The following LPAR6 variants were observed in gnomAD, a reference collection of about 807,000 sequenced individuals.
The protein encoded by LPAR6 is G-protein coupled purinergic receptor P2Y5.
Under a neutral mutation model 22.0 loss-of-function variants are expected in LPAR6, and 17 were observed. The observed-to-expected ratio is 0.77, with a 90% CI of 0.53 to 1.16. The LOEUF (loss-of-function observed/expected upper bound fraction) is 1.16. Ranked by LOEUF, LPAR6 falls within the 50% of genes most tolerant of loss-of-function variation. LPAR6 has a pLI of 0.00. For synonymous variants in LPAR6, 136 were observed against 139.8 expected (o/e 0.97, Z 0.19); for missense variants, 384 against 406.9 (o/e 0.94, Z 0.48).
chr13:48,408,806 T>A (rs1375893817), downstream of LPAR6: 2 of 152,208 alleles, frequency 1.3e-5, no homozygotes, highest in Admixed American at 1.3e-4. Flanking sequence ...TTTATGAACA[T>A]AGTAATAACA....
chr13:48,396,891 A>G (rs1453763755), intron 1 of LPAR6, among the ~76,000 whole-genome samples: 2 of 152,264 alleles, frequency 1.3e-5, no homozygotes, highest in Non-Finnish European at 2.9e-5. Context: ...AACATATGAA[A>G]AAAAGCTCAT....
At chr13:48,392,574 C>A (rs1287332892) in intron 1 of LPAR6, among the ~76,000 whole-genome samples, 2 of 151,950 alleles carry the variant, frequency 1.3e-5, no homozygotes, top group African/African-American at 4.8e-5. Flanking sequence ...CTATAGTTTT[C>A]ATTTCTAGAA....
intron 2 of LPAR6, among the ~76,000 whole-genome samples, chr13:48,422,127 T>C (rs1949015164): frequency 6.6e-6 from 1 of 152,194 alleles, no homozygotes; most frequent in Non-Finnish European, 1.5e-5. Context: ...CAAATGCGCA[T>C]CAATGATAGA....
chr13:48,438,149 C>T (rs1949202400), intron 1 of LPAR6, among the ~76,000 whole-genome samples: 1 of 152,158 alleles, frequency 6.6e-6, no homozygotes. Context: ...TTTGCTATTT[C>T]CTTGCTATGA....
chr13:48,437,326 A>G (rs1487639732), intron 1 of LPAR6, among the ~76,000 whole-genome samples: 1 of 152,222 alleles, frequency 6.6e-6, no homozygotes, highest in African/African-American at 2.4e-5. Flanking sequence ...AGAAAGAAAT[A>G]TACATATTTT....
intron 1 of LPAR6, among the ~76,000 whole-genome samples, chr13:48,440,875 A>G (rs1376783702): frequency 6.6e-6 from 1 of 152,042 alleles, no homozygotes; most frequent in Non-Finnish European, 1.5e-5. Flanking sequence ...ATGATTTTAA[A>G]CTCTCATCTG....
chr13:48,396,984 G>A (rs1948653808), intron 1 of LPAR6, among the ~76,000 whole-genome samples: 1 of 152,202 alleles, frequency 6.6e-6, no homozygotes, highest in Non-Finnish European at 1.5e-5. Context: ...TCATTAAAAA[G>A]TCAGGAAACA....
At chr13:48,398,877 C>T (rs1386951657) in intron 1 of LPAR6, among the ~76,000 whole-genome samples, 1 of 152,116 alleles carries the variant, frequency 6.6e-6, no homozygotes, top group Non-Finnish European at 1.5e-5. Context: ...AGTGTTTTGC[C>T]TAGGAGCTAA....
Position 48,411,457 on chromosome 13 carries a change from C to A in LPAR6, c.967G>T (p.Glu323Ter). The A allele has an allele frequency of 6.2e-7, 1 of 1,613,380 alleles. No homozygotes were observed. The highest frequency in any genetic ancestry group is 1.1e-5 in the South Asian group (1 of 91,026). Residue 323 changes from glutamate to a stop codon, truncating the protein, a stop_gained, in exon 1 of 1, where the codon GAG becomes TAG. Coordinates refer to ENST00000620633, the MANE Select transcript of LPAR6 (RefSeq NM_001162498.3). LOFTEE classifies it high-confidence loss of function. ...DFRFSEVHGA[E>*]NFIQHNLQTL... ...TGTAGGTTATGCTGAATAAAATTCT[C>A]TGCACCATGAACTTCAGAGAATCTG...
chr13:48,418,505 CATA>C (rs1006131256), intron 2 of LPAR6, among the ~76,000 whole-genome samples: 1 of 152,132 alleles, frequency 6.6e-6, no homozygotes, highest in African/African-American at 2.4e-5. Flanking sequence ...TGGCTAGCAT[CATA>C]ATGACAGGAT....
chr13:48,416,008 T>G (rs1948902190), upstream of LPAR6, among the ~76,000 whole-genome samples: 1 of 152,212 alleles, frequency 6.6e-6, no homozygotes, highest in African/African-American at 2.4e-5. Flanking sequence ...ACTTTTGTAT[T>G]TGATAAACTC....
chr13:48,426,133 C>A (rs1414344037), intron 1 of LPAR6, among the ~76,000 whole-genome samples: 1 of 152,162 alleles, frequency 6.6e-6, no homozygotes, highest in African/African-American at 2.4e-5. Flanking sequence ...CTGCCCTGAA[C>A]TTTAAGATGG....
Position 48,411,526 on chromosome 13 carries a change from T to A in LPAR6, c.898A>T (p.Asn300Tyr). ...GACCAGTTTTTCATTTTTATTGAAT[T>A]CTGAATTGTGTCCGATGTAAAGTAG... is the stretch of plus-strand genomic sequence containing the variant. ...VYYFTSDTIQ[N>Y]SIKMKNWSVR... Residue 300 changes from asparagine (N) to tyrosine (Y), a missense_variant, in exon 1 of 1, where the codon AAT (asparagine) becomes TAT (tyrosine). Transcript: ENST00000620633. 1.9e-6 allele frequency: 3 copies of A among 1,613,454 alleles called. No homozygotes were observed. The highest frequency in any genetic ancestry group is 1.7e-6 in the Non-Finnish European group (2 of 1,179,726).
chr13:48,425,461 G>C (rs58933677), intron 1 of LPAR6, among the ~76,000 whole-genome samples: 1,918 of 152,318 alleles, frequency 0.013, 70 homozygotes, highest in East Asian at 0.12. Context: ...GTTGGGTAAG[G>C]CTAGGTGGGT....
intron 1 of LPAR6, among the ~76,000 whole-genome samples, chr13:48,438,469 T>C (rs1254229177): frequency 6.6e-6 from 1 of 152,212 alleles, no homozygotes; most frequent in Non-Finnish European, 1.5e-5. Flanking sequence ...TCTGAGTTAG[T>C]TGTCTCTTCT....
chr13:48,425,549 T>A (rs984466754), intron 1 of LPAR6, among the ~76,000 whole-genome samples: 1 of 152,198 alleles, frequency 6.6e-6, no homozygotes, highest in Non-Finnish European at 1.5e-5. Context: ...AGGTGTTAAG[T>A]GACTTGGATT....
chr13:48,434,167 C>A (rs967133662), intron 1 of LPAR6, among the ~76,000 whole-genome samples: 2 of 151,802 alleles, frequency 1.3e-5, no homozygotes, highest in Non-Finnish European at 2.9e-5. Context: ...CTTCAATGAG[C>A]CAGGCCTGGT....
intron 1 of LPAR6, among the ~76,000 whole-genome samples, chr13:48,402,367 C>T (rs1948699580): frequency 1.1e-5 from 1 of 90,820 alleles, no homozygotes; most frequent in African/African-American, 3.4e-5. Flanking sequence ...AAAGAAATCC[C>T]TTGTAGAAAA....
chr13:48,441,759 T>A (rs1242921843), intron 1 of LPAR6, among the ~76,000 whole-genome samples: 1 of 149,694 alleles, frequency 6.7e-6, no homozygotes, highest in Non-Finnish European at 1.5e-5. Flanking sequence ...ATTATATATA[T>A]GGGTAAAGGG....
Sources: gnomAD v4.1 joint callset for allele counts (sites outside exome capture counted in the v4.1 genomes callset) on GRCh38, gnomAD v4.1.1 for gene constraint, MANE v1.5 for transcripts, NCBI Gene and HGNC (gene_info 2026-07-23, HGNC 2026-07-21) for gene names.